PELI2: variants seen among roughly 807,000 people sequenced by gnomAD.
PELI2 encodes the protein E3 ubiquitin-protein ligase pellino homolog 2.
A neutral mutation model predicts 42.3 loss-of-function variants in PELI2; 23 were observed. The ratio of observed to expected loss-of-function variants is 0.54; its 90% CI spans 0.39 to 0.77. PELI2 has a LOEUF of 0.77. PELI2 is among the 30% of genes least tolerant of loss of function. The pLI is 0.00. For synonymous variants in PELI2, 245 were observed against 212.2 expected (o/e 1.15, Z -1.34); for missense variants, 463 against 553.2 (o/e 0.84, Z 1.64).
intron 2 of PELI2, among the ~76,000 whole-genome samples, chr14:56,179,919 A>T (rs997498862): frequency 3.9e-5 from 6 of 152,210 alleles, no homozygotes; most frequent in African/African-American, 1.4e-4. Context: ...CTGACATTTT[A>T]AAAAATGTAT....
chr14:56,271,592 A>G (rs1342911265), intron 2 of PELI2, among the ~76,000 whole-genome samples: 2 of 152,226 alleles, frequency 1.3e-5, no homozygotes, highest in African/African-American at 4.8e-5. Flanking sequence ...AAACTTGCCT[A>G]AAACACACAT....
intron 2 of PELI2, among the ~76,000 whole-genome samples, chr14:56,208,804 C>A (rs1314602333): frequency 6.6e-6 from 1 of 152,154 alleles, no homozygotes; most frequent in African/African-American, 2.4e-5. Flanking sequence ...GCTGAACTCA[C>A]CACTTTCATA....
chr14:56,160,727 T>C (rs1465426991), intron 1 of PELI2, among the ~76,000 whole-genome samples: 1 of 152,202 alleles, frequency 6.6e-6, no homozygotes, highest in Non-Finnish European at 1.5e-5. Context: ...GCCAGTATTT[T>C]AGTTGGATGA....
chr14:56,231,260 A>C (rs1380137998), intron 2 of PELI2, among the ~76,000 whole-genome samples: 2 of 152,204 alleles, frequency 1.3e-5, no homozygotes, highest in African/African-American at 2.4e-5. Context: ...AAGCAGACCT[A>C]ATAGACATCT....
rs565241482 is a variant in PELI2 at position 56,138,735 on chromosome 14, AC to A, written c.77+19999del. On this transcript the variant is annotated intron_variant, in intron 1 of 5. Coordinates refer to ENST00000267460, the MANE Select transcript of PELI2 (RefSeq NM_021255.3). ...CAGACTATAACTGACTTATGGCATAACTAAAATATATAGTAAGCACATTGTT... is the reference window on the plus strand; with the variant it reads ...CAGACTATAACTGACTTATGGCATAATAAAATATATAGTAAGCACATTGTT... Among the ~76,000 whole-genome samples the A allele has an allele frequency of 4.6e-3, 698 of 152,334 alleles. 1 individual carries two copies. Among genetic ancestry groups the A allele is most frequent in the African/African-American group, 0.016 (649 of 41,572 alleles).
At chr14:56,237,421 C>T (rs1887836966) in intron 2 of PELI2, among the ~76,000 whole-genome samples, 1 of 152,172 alleles carries the variant, frequency 6.6e-6, no homozygotes, top group Non-Finnish European at 1.5e-5. Flanking sequence ...TCTACTCAGA[C>T]AACTCTAATT....
intron 2 of PELI2, among the ~76,000 whole-genome samples, chr14:56,262,447 A>AT (rs562356211): frequency 2.2e-4 from 34 of 152,166 alleles, no homozygotes; most frequent in Middle Eastern, 3.4e-3. Context: ...TCAACCACAG[A>AT]TTTTTTTTCA....
intron 2 of PELI2, among the ~76,000 whole-genome samples, chr14:56,213,674 G>C (rs1415602685): frequency 6.6e-6 from 1 of 152,206 alleles, no homozygotes; most frequent in Non-Finnish European, 1.5e-5. Context: ...TAAGCCAGTG[G>C]TAGGGAGGCA....
At chr14:56,181,608 A>T (rs1037449473) in intron 2 of PELI2, among the ~76,000 whole-genome samples, 1 of 152,074 alleles carries the variant, frequency 6.6e-6, no homozygotes, top group Non-Finnish European at 1.5e-5. Context: ...CCACCACAAC[A>T]ATCATTCTCT....
intron 2 of PELI2, among the ~76,000 whole-genome samples, chr14:56,258,911 A>G (rs1235913420): frequency 2.0e-5 from 3 of 152,120 alleles, no homozygotes; most frequent in African/African-American, 7.2e-5. Flanking sequence ...GACACATGAC[A>G]GTTAAATTGC....
At chr14:56,260,772 A>G (rs929930075) in intron 2 of PELI2, among the ~76,000 whole-genome samples, 2 of 152,218 alleles carry the variant, frequency 1.3e-5, no homozygotes, top group African/African-American at 4.8e-5. Flanking sequence ...ACAAAAGTAG[A>G]ACTGTTTACT....
At chr14:56,121,039 G>A (rs1883040494) in intron 1 of PELI2, among the ~76,000 whole-genome samples, 1 of 152,140 alleles carries the variant, frequency 6.6e-6, no homozygotes, top group Admixed American at 6.5e-5. Flanking sequence ...ATTTGAGACA[G>A]TGTACTTCAT....
At chr14:56,140,127 CAT>C (rs1883849320) in intron 1 of PELI2, among the ~76,000 whole-genome samples, 1 of 151,856 alleles carries the variant, frequency 6.6e-6, no homozygotes, top group African/African-American at 2.4e-5. Flanking sequence ...ATGCCTCAAA[CAT>C]GTATAATTTA....
At chr14:56,195,448 G>A (rs182719708) in intron 2 of PELI2, among the ~76,000 whole-genome samples, 84 of 152,298 alleles carry the variant, frequency 5.5e-4, no homozygotes, top group African/African-American at 1.9e-3. Flanking sequence ...CTCACAGCTG[G>A]TTTGAGGCTG....
At chr14:56,291,290 A>T (rs184573854) in intron 5 of PELI2, among the ~76,000 whole-genome samples, 2 of 152,328 alleles carry the variant, frequency 1.3e-5, no homozygotes, top group Non-Finnish European at 2.9e-5. Flanking sequence ...TACAGAATAG[A>T]GGATTTGACC....
intron 2 of PELI2, among the ~76,000 whole-genome samples, chr14:56,223,402 G>A (rs969795514): frequency 6.6e-6 from 1 of 152,132 alleles, no homozygotes; most frequent in Admixed American, 6.5e-5. Flanking sequence ...TCATATGGGG[G>A]TTCCCTGTCA....
intron 4 of PELI2, 94 bp from the exon 5 acceptor site, chr14:56,290,174 C>A: frequency 1.1e-6 from 1 of 929,056 alleles, no homozygotes; most frequent in Non-Finnish European, 1.6e-6. Context: ...TTCCTCCCCT[C>A]TGCCTCTATG....
intron 1 of PELI2, among the ~76,000 whole-genome samples, chr14:56,124,473 C>T (rs1452917919): frequency 6.6e-6 from 1 of 152,224 alleles, no homozygotes; most frequent in Non-Finnish European, 1.5e-5. Flanking sequence ...ACAGCTAGGA[C>T]AAGGCAGACA....
chr14:56,178,563 A>G, intron 2 of PELI2, 99 bp downstream of exon 2: 1 of 1,337,802 alleles, frequency 7.5e-7, no homozygotes, highest in Non-Finnish European at 1.1e-6. Flanking sequence ...TTCATGTAGG[A>G]CAGTCTCTCA....
Sources: gnomAD v4.1 joint callset for allele counts (sites outside exome capture counted in the v4.1 genomes callset) on GRCh38, gnomAD v4.1.1 for gene constraint, MANE v1.5 for transcripts, NCBI Gene and HGNC (gene_info 2026-07-23, HGNC 2026-07-21) for gene names.